IL12RB2: variants seen among roughly 807,000 people sequenced by gnomAD.
IL12RB2 encodes the protein interleukin 12 receptor subunit beta 2, also known as interleukin-12 receptor subunit beta-2.
In IL12RB2, 82 loss-of-function variants were observed where a neutral mutation model predicts 89.4. The observed-to-expected ratio is 0.92, with a 90% CI of 0.77 to 1.10. The LOEUF is 1.10. Among genes scored for constraint, IL12RB2 ranks in the 50% least tolerant of loss-of-function variants. The probability of loss-of-function intolerance (pLI) is 0.00; values close to 1 mark genes in which losing one functional copy is unlikely to be tolerated. For missense variants in IL12RB2, 963 were observed against 1,031.9 expected, an observed-to-expected ratio of 0.93 and a Z score of 0.92; for synonymous variants, 368 against 370.1, an observed-to-expected ratio of 0.99 and a Z score of 0.07.
At chr1:67,381,391 G>A (rs1202198496) in intron 14 of IL12RB2, among the ~76,000 whole-genome samples, 1 of 152,152 alleles carries the variant, frequency 6.6e-6, no homozygotes, top group Non-Finnish European at 1.5e-5. Flanking sequence ...TCATTCAAGA[G>A]ACTTTGTTGT....
chr1:67,375,839 TTC>T (rs1169799379), intron 13 of IL12RB2, among the ~76,000 whole-genome samples: 5 of 151,932 alleles, frequency 3.3e-5, no homozygotes, highest in African/African-American at 1.2e-4. Context: ...CAGCACATTT[TTC>T]TTTTTCTTTT....
chr1:67,394,836 G>A lies in IL12RB2; in HGVS notation c.2047-711G>A, dbSNP rs193183961. Reference sequence around the variant, plus strand: ...TCTCTCAGGACTCAGCTCAGCTCTCGTGTCCCTTCATCACCTGTTTAGTGT... The same window carrying A: ...TCTCTCAGGACTCAGCTCAGCTCTCATGTCCCTTCATCACCTGTTTAGTGT... On this transcript the variant is annotated intron_variant, in intron 16 of 16. Transcript: ENST00000674203. Among the ~76,000 whole-genome samples the A allele has an allele frequency of 3.4e-3, 525 of 152,262 alleles. 1 individual carries two copies. The highest frequency in any genetic ancestry group is 0.012 in the African/African-American group (480 of 41,550).
intron 13 of IL12RB2, among the ~76,000 whole-genome samples, chr1:67,378,105 A>C (rs1664171500): frequency 6.7e-6 from 1 of 148,232 alleles, no homozygotes; most frequent in African/African-American, 2.5e-5. Context: ...TGACAGAGTG[A>C]GACTCCATCT....
intron 16 of IL12RB2, 88 bp from the exon 17 acceptor site, chr1:67,395,459 G>A (rs1044369455): frequency 1.2e-6 from 2 of 1,611,614 alleles, no homozygotes; most frequent in Non-Finnish European, 1.7e-6. Flanking sequence ...GACAGTGCAG[G>A]TTGTGAGGCC....
At chr1:67,316,634 T>C (rs1655809360) in intron 2 of IL12RB2, among the ~76,000 whole-genome samples, 1 of 152,122 alleles carries the variant, frequency 6.6e-6, no homozygotes, top group Admixed American at 6.5e-5. Context: ...CACATACCAT[T>C]CTCCCTGCAG....
At position 67,372,537 on chromosome 1, in the gene IL12RB2, G is replaced by A. The variant is rs756852520; in HGVS notation, c.1558+3G>A. 3 of 1,601,950 alleles carry A rather than the reference G, an allele frequency of 1.9e-6. No individual in the cohort carries two copies. The highest frequency in any genetic ancestry group is 4.5e-5 in the East Asian group (2 of 44,818). On this transcript the variant is annotated splice_donor_region_variant and intron_variant, in intron 12 of 16. Coordinates refer to ENST00000674203, the MANE Select transcript of IL12RB2 (RefSeq NM_001374259.2). ...CCTGGGTAACTCTAAGCACAAAGGTGAGTCTTGGGATCTTTTGCCAAATTT... is the reference window on the plus strand; with the variant it reads ...CCTGGGTAACTCTAAGCACAAAGGTAAGTCTTGGGATCTTTTGCCAAATTT...
chr1:67,350,408 C>T (rs1177694776), intron 9 of IL12RB2, among the ~76,000 whole-genome samples: 3 of 152,206 alleles, frequency 2.0e-5, no homozygotes, highest in Non-Finnish European at 4.4e-5. Flanking sequence ...TGTTTGATGT[C>T]TTGAGCAGCA....
At chr1:67,347,991 G>A (rs1660419167) in intron 9 of IL12RB2, among the ~76,000 whole-genome samples, 1 of 152,102 alleles carries the variant, frequency 6.6e-6, no homozygotes, top group South Asian at 2.1e-4. Flanking sequence ...GGCTAAATGG[G>A]ACATTAGACA....
intron 4 of IL12RB2, among the ~76,000 whole-genome samples, 179 bp from the exon 5 acceptor site, chr1:67,326,550 ACTGTTT>A (rs1258112629): frequency 4.6e-5 from 7 of 152,218 alleles, no homozygotes; most frequent in Non-Finnish European, 8.8e-5. Context: ...TACTATTATT[ACTGTTT>A]CTAGGAGAAA....
At chr1:67,318,269 T>C in intron 2 of IL12RB2, among the ~76,000 whole-genome samples, 1 of 152,050 alleles carries the variant, frequency 6.6e-6, no homozygotes, top group Non-Finnish European at 1.5e-5. Context: ...GCTGAGAGAT[T>C]GTGTGTGGTA....
intron 13 of IL12RB2, among the ~76,000 whole-genome samples, chr1:67,377,293 A>T (rs1664087105): frequency 6.6e-6 from 1 of 152,178 alleles, no homozygotes; most frequent in Non-Finnish European, 1.5e-5. Flanking sequence ...AGCATGCAAG[A>T]CATCTCTGAC....
intron 4 of IL12RB2, among the ~76,000 whole-genome samples, chr1:67,323,021 G>T (rs143980395): frequency 2.7e-4 from 41 of 152,310 alleles, no homozygotes; most frequent in Middle Eastern, 3.4e-3. Context: ...AGGAAGAATT[G>T]CTCTAGCAGG....
chr1:67,324,166 C>T (rs1656965306), intron 4 of IL12RB2, among the ~76,000 whole-genome samples: 1 of 152,046 alleles, frequency 6.6e-6, no homozygotes, highest in African/African-American at 2.4e-5. Flanking sequence ...TATATATAAA[C>T]ATATCTAAAT....
At chr1:67,351,235 T>G in intron 10 of IL12RB2, 146 bp downstream of exon 10, 1 of 1,400,814 alleles carries the variant, frequency 7.1e-7, no homozygotes, top group Non-Finnish European at 9.7e-7. Flanking sequence ...TTTTTTTTTC[T>G]TTTCCAATCA....
chr1:67,391,438 CTGT>C (rs1323992459), intron 16 of IL12RB2, among the ~76,000 whole-genome samples: 27 of 146,222 alleles, frequency 1.8e-4, no homozygotes, highest in Admixed American at 8.2e-4. Flanking sequence ...ATACAAACTG[CTGT>C]TATTACTATT....
intron 10 of IL12RB2, among the ~76,000 whole-genome samples, chr1:67,356,688 C>T (rs1661431690): frequency 6.6e-6 from 1 of 152,114 alleles, no homozygotes; most frequent in Non-Finnish European, 1.5e-5. Context: ...CTCCTCTCTA[C>T]CCTAAACATA....
chr1:67,311,425 C>T (rs550738219), intron 1 of IL12RB2, among the ~76,000 whole-genome samples: 9 of 152,260 alleles, frequency 5.9e-5, no homozygotes, highest in East Asian at 1.9e-4. Flanking sequence ...GAATGTAATT[C>T]GAATCCAATT....
chr1:67,393,612 CA>C (rs1323471462), intron 16 of IL12RB2, among the ~76,000 whole-genome samples: 22 of 152,224 alleles, frequency 1.4e-4, no homozygotes, highest in African/African-American at 4.6e-4. Flanking sequence ...AAGTGAAACG[CA>C]AACACACATC....
intron 15 of IL12RB2, among the ~76,000 whole-genome samples, 200 bp downstream of exon 15, chr1:67,386,869 A>ATTTT (rs1232980676): frequency 2.3e-3 from 94 of 41,292 alleles, no homozygotes; most frequent in Non-Finnish European, 3.7e-3. Flanking sequence ...CTAGAAATGT[A>ATTTT]TTTTATATAT....
Sources: allele counts gnomAD v4.1 joint callset (sites outside exome capture counted in the v4.1 genomes callset), GRCh38; gene constraint gnomAD v4.1.1; transcripts MANE v1.5; gene names NCBI Gene and HGNC (gene_info 2026-07-23, HGNC 2026-07-21).